KHDRBS2: variants seen among roughly 807,000 people sequenced by gnomAD.
The protein encoded by KHDRBS2 is KH RNA binding domain containing, signal transduction associated 2, also known as KH domain-containing, RNA-binding, signal transduction-associated protein 2.
In KHDRBS2, 26 loss-of-function variants were observed where a neutral mutation model predicts 44.3. That is an observed-to-expected ratio of 0.59 (90% confidence interval 0.43 to 0.81). The LOEUF is 0.81. Among genes scored for constraint, KHDRBS2 ranks in the 40% least tolerant of loss-of-function variants. The pLI is 0.00. For missense variants in KHDRBS2, 476 were observed against 433.1 expected, an observed-to-expected ratio of 1.10 and a Z score of -0.88; for synonymous variants, 194 against 151.1, an observed-to-expected ratio of 1.28 and a Z score of -2.08.
intron 6 of KHDRBS2, among the ~76,000 whole-genome samples, chr6:61,816,005 A>C (rs1332166584): frequency 2.0e-5 from 3 of 152,166 alleles, no homozygotes; most frequent in Non-Finnish European, 4.4e-5. Context: ...AAATACCAAA[A>C]GTTCCTTAGT....
the KHDRBS2 span, among the ~76,000 whole-genome samples, chr6:61,565,190 G>A: frequency 6.6e-6 from 1 of 152,044 alleles, no homozygotes. Context: ...AGACTTAAAT[G>A]TAAGACCTGA....
the KHDRBS2 span, among the ~76,000 whole-genome samples, chr6:61,581,586 T>C: frequency 1.0e-4 from 2 of 19,668 alleles, no homozygotes; most frequent in East Asian, 9.8e-4. Context: ...ATACACAATA[T>C]ACAATATACA....
chr6:62,056,174 T>A (rs1790251618), intron 2 of KHDRBS2, among the ~76,000 whole-genome samples: 1 of 151,678 alleles, frequency 6.6e-6, no homozygotes, highest in South Asian at 2.1e-4. Context: ...CCTGTCAGAA[T>A]CATGACTGGT....
At chr6:61,829,153 GA>G (rs756794727) in intron 6 of KHDRBS2, among the ~76,000 whole-genome samples, 2 of 152,136 alleles carry the variant, frequency 1.3e-5, no homozygotes, top group Non-Finnish European at 2.9e-5. Flanking sequence ...AGTTGGGATT[GA>G]GAATTTTGTT....
chr6:61,901,767 C>T lies in KHDRBS2; in HGVS notation c.484-396G>A, dbSNP rs1277922048. Among the ~76,000 whole-genome samples the T allele has an allele frequency of 5.3e-5, 8 of 152,132 alleles. No individual in the cohort carries two copies. In the East Asian group the frequency reaches 1.4e-3, roughly 26 times the overall value. The stretch of plus-strand genomic sequence containing the variant: ...ATGAATGTGTGTAGAATATGGATGA[C>T]TACATGATATTCAAATAGCTTCTGA... On this transcript the variant is annotated intron_variant, in intron 4 of 8. Transcript: ENST00000281156.
chr6:61,919,952 G>C (rs1295730964), intron 4 of KHDRBS2, among the ~76,000 whole-genome samples: 1 of 151,792 alleles, frequency 6.6e-6, no homozygotes, highest in East Asian at 1.9e-4. Flanking sequence ...TCTACGAATG[G>C]TTTGAGAAAA....
chr6:62,213,248 T>G (rs1434201568), intron 1 of KHDRBS2, among the ~76,000 whole-genome samples: 1 of 152,076 alleles, frequency 6.6e-6, no homozygotes, highest in Non-Finnish European at 1.5e-5. Context: ...GATGATTATT[T>G]GAGAGAGAAA....
intron 6 of KHDRBS2, among the ~76,000 whole-genome samples, chr6:61,788,820 T>A (rs1784208300): frequency 6.6e-6 from 1 of 151,122 alleles, no homozygotes; most frequent in Non-Finnish European, 1.5e-5. Flanking sequence ...ATTATATTTA[T>A]AAATATTATA....
At chr6:62,174,206 C>G (rs73491193) in intron 2 of KHDRBS2, among the ~76,000 whole-genome samples, 1 of 151,864 alleles carries the variant, frequency 6.6e-6, no homozygotes, top group African/African-American at 2.4e-5. Context: ...GGAACTTAAG[C>G]TAAGTTTCAG....
chr6:62,016,859 T>C (rs1781306690), intron 3 of KHDRBS2, among the ~76,000 whole-genome samples: 3 of 152,036 alleles, frequency 2.0e-5, no homozygotes, highest in African/African-American at 7.2e-5. Flanking sequence ...AGGTAGGGTG[T>C]CCCATCTCAA....
chr6:62,059,522 A>ACC, intron 2 of KHDRBS2, among the ~76,000 whole-genome samples: 1 of 151,850 alleles, frequency 6.6e-6, no homozygotes, highest in East Asian at 2.0e-4. Flanking sequence ...GAATATGAAG[A>ACC]GAGTAGTGTG....
At chr6:61,970,285 T>C (rs1771065730) in intron 4 of KHDRBS2, among the ~76,000 whole-genome samples, 2 of 151,876 alleles carry the variant, frequency 1.3e-5, no homozygotes, top group Admixed American at 6.6e-5. Context: ...TTTGCATGAA[T>C]AAAGTAAAGA....
the KHDRBS2 span, among the ~76,000 whole-genome samples, chr6:61,554,663 GT>G: frequency 2.0e-5 from 3 of 152,180 alleles, no homozygotes; most frequent in African/African-American, 7.2e-5. Flanking sequence ...TCCTTTCCAT[GT>G]TTAGCCCTCC....
chr6:62,218,328 A>G (rs1830362461), intron 1 of KHDRBS2, among the ~76,000 whole-genome samples: 1 of 151,866 alleles, frequency 6.6e-6, no homozygotes, highest in African/African-American at 2.4e-5. Context: ...TATCCCCTTT[A>G]GAATCAGATA....
At chr6:61,907,314 C>CAGAT (rs1294495855) in intron 4 of KHDRBS2, among the ~76,000 whole-genome samples, 1 of 151,864 alleles carries the variant, frequency 6.6e-6, no homozygotes. Flanking sequence ...AATCCCTTAT[C>CAGAT]AGATAGGTAA....
At chr6:62,116,269 C>G (rs1249990520) in intron 2 of KHDRBS2, among the ~76,000 whole-genome samples, 1 of 152,126 alleles carries the variant, frequency 6.6e-6, no homozygotes, top group Admixed American at 6.6e-5. Flanking sequence ...CTATAGTCAC[C>G]GTGCTGTGGA....
intron 6 of KHDRBS2, among the ~76,000 whole-genome samples, chr6:61,881,469 G>A (rs1800201693): frequency 6.6e-6 from 1 of 151,922 alleles, no homozygotes; most frequent in Non-Finnish European, 1.5e-5. Flanking sequence ...ATTAGATTAT[G>A]TTCAACTCTC....
chr6:61,788,255 G>A (rs907631734), intron 6 of KHDRBS2, among the ~76,000 whole-genome samples: 1 of 151,466 alleles, frequency 6.6e-6, no homozygotes, highest in African/African-American at 2.4e-5. Context: ...CATGACTAAT[G>A]AAAGAAATAT....
At chr6:61,585,791 C>G in the KHDRBS2 span, among the ~76,000 whole-genome samples, 2 of 152,048 alleles carry the variant, frequency 1.3e-5, no homozygotes, top group East Asian at 3.9e-4. Flanking sequence ...CAGGTTGATA[C>G]CAAGGGCTCA....
Sources: allele counts gnomAD v4.1 joint callset (sites outside exome capture counted in the v4.1 genomes callset), GRCh38; gene constraint gnomAD v4.1.1; transcripts MANE v1.5; gene names NCBI Gene and HGNC (gene_info 2026-07-23, HGNC 2026-07-21).